Variants in ZMAT4 observed in about 807,000 individuals in gnomAD.
The protein encoded by ZMAT4 is zinc finger matrin-type 4.
Under a neutral mutation model 28.7 loss-of-function variants are expected in ZMAT4, and 17 were observed. That is an observed-to-expected ratio of 0.59 (90% CI 0.41 to 0.89). The LOEUF (loss-of-function observed/expected upper bound fraction) is 0.89, where lower values mean the gene tolerates loss of function less well. Among genes scored for constraint, ZMAT4 ranks in the 40% least tolerant of loss-of-function variants. The pLI is 0.00. For missense variants in ZMAT4, 240 were observed against 283.8 expected (o/e 0.85, Z 1.11); for synonymous variants, 117 against 109.2 (o/e 1.07, Z -0.44).
At chr8:40,773,190 G>A (rs190260517) in intron 2 of ZMAT4, among the ~76,000 whole-genome samples, 1 of 152,274 alleles carries the variant, frequency 6.6e-6, no homozygotes, top group African/African-American at 2.4e-5. Flanking sequence ...CAGAAACTCC[G>A]TGTACCTAGA....
intron 5 of ZMAT4, among the ~76,000 whole-genome samples, chr8:40,668,927 A>G (rs1210431348): frequency 1.3e-5 from 2 of 151,190 alleles, no homozygotes; most frequent in African/African-American, 4.9e-5. Flanking sequence ...CCAGAACACC[A>G]TAAATTCAAC....
chr8:40,589,727 C>CT (rs1563353803), intron 5 of ZMAT4, among the ~76,000 whole-genome samples: 1,485 of 49,526 alleles, frequency 0.03, 32 homozygotes, highest in African/African-American at 0.086. Context: ...TTCCTTCTTC[C>CT]TTTCCTTTCT....
chr8:40,658,813 A>C (rs576694921), intron 5 of ZMAT4, among the ~76,000 whole-genome samples: 3 of 152,138 alleles, frequency 2.0e-5, no homozygotes, highest in African/African-American at 4.8e-5. Context: ...TGCTGACTGG[A>C]TCAGCCCTGA....
At chr8:40,796,452 G>C (rs1814604466) in intron 2 of ZMAT4, among the ~76,000 whole-genome samples, 1 of 152,132 alleles carries the variant, frequency 6.6e-6, no homozygotes, top group African/African-American at 2.4e-5. Flanking sequence ...AAGCACTTGA[G>C]GAAGGAACAG....
intron 1 of ZMAT4, among the ~76,000 whole-genome samples, chr8:40,873,198 C>T (rs138031313): frequency 3.9e-5 from 6 of 152,230 alleles, no homozygotes; most frequent in African/African-American, 1.4e-4. Context: ...AGTCCCAAAT[C>T]AGCATTCCTT....
chr8:40,793,802 A>G (rs1299885903), intron 2 of ZMAT4, among the ~76,000 whole-genome samples: 1 of 152,150 alleles, frequency 6.6e-6, no homozygotes. Context: ...TGTAATTACA[A>G]TCCATCTGAA....
At chr8:40,556,766 T>A (rs1366346404) in intron 6 of ZMAT4, among the ~76,000 whole-genome samples, 2 of 152,206 alleles carry the variant, frequency 1.3e-5, no homozygotes, top group African/African-American at 4.8e-5. Context: ...GTGTAAAATG[T>A]GTAATGATCA....
At chr8:40,541,310 G>A (rs1803020435) in intron 6 of ZMAT4, among the ~76,000 whole-genome samples, 1 of 152,080 alleles carries the variant, frequency 6.6e-6, no homozygotes, top group Non-Finnish European at 1.5e-5. Context: ...GGTTTTACCT[G>A]TTCAAGGGCA....
chr8:40,692,000 T>C (rs1563414563), intron 4 of ZMAT4, among the ~76,000 whole-genome samples: 1 of 152,228 alleles, frequency 6.6e-6, no homozygotes, highest in African/African-American at 2.4e-5. Context: ...TTTTTTACCA[T>C]CATACTTGAC....
intron 6 of ZMAT4, among the ~76,000 whole-genome samples, chr8:40,545,438 A>G (rs940287726): frequency 2.6e-5 from 4 of 152,326 alleles, no homozygotes; most frequent in African/African-American, 9.6e-5. Flanking sequence ...CCCAAAAATT[A>G]TATGTTGAAG....
chr8:40,861,297 C>T (rs1817480321), intron 1 of ZMAT4, among the ~76,000 whole-genome samples: 1 of 152,184 alleles, frequency 6.6e-6, no homozygotes, highest in Admixed American at 6.5e-5. Flanking sequence ...TGATCTTTGA[C>T]AAACCTGACA....
chr8:40,892,132 T>C lies in ZMAT4; in HGVS notation c.-5+5551A>G, dbSNP rs1818714555. Among the ~76,000 whole-genome samples, 9 of 152,192 alleles carry C rather than the reference T, an allele frequency of 5.9e-5. No homozygotes were observed. The South Asian group carries it at 8.3e-4, about 14-fold the overall frequency. ...CCTCACATGGTATGTTTCATCCCGT[T>C]CCGTAAGGTAACAGGTGATGTGTCT... On this transcript the variant is annotated intron_variant, in intron 1 of 6. Coordinates refer to ENST00000297737, the MANE Select transcript of ZMAT4 (RefSeq NM_024645.3).
At chr8:40,643,203 A>T (rs951624854) in intron 5 of ZMAT4, among the ~76,000 whole-genome samples, 2 of 152,116 alleles carry the variant, frequency 1.3e-5, no homozygotes, top group Non-Finnish European at 2.9e-5. Flanking sequence ...AGCAGTCGAG[A>T]AGCTTTCATC....
chr8:40,560,952 T>C (rs1803718325), intron 6 of ZMAT4, among the ~76,000 whole-genome samples: 1 of 152,176 alleles, frequency 6.6e-6, no homozygotes, highest in African/African-American at 2.4e-5. Flanking sequence ...TGCAATCCTA[T>C]TTCTTGTATA....
intron 3 of ZMAT4, among the ~76,000 whole-genome samples, chr8:40,752,397 C>G (rs1271239999): frequency 6.6e-6 from 1 of 152,174 alleles, no homozygotes; most frequent in African/African-American, 2.4e-5. Flanking sequence ...AGAGTTTGCC[C>G]AGTCCCTTCT....
chr8:40,822,263 T>C (rs931580400), intron 2 of ZMAT4, among the ~76,000 whole-genome samples: 1 of 152,228 alleles, frequency 6.6e-6, no homozygotes, highest in African/African-American at 2.4e-5. Context: ...TCATTTCTCA[T>C]ATAGGTTCAG....
chr8:40,535,190 T>C (rs1439180756), intron 6 of ZMAT4, among the ~76,000 whole-genome samples: 1 of 152,142 alleles, frequency 6.6e-6, no homozygotes, highest in Non-Finnish European at 1.5e-5. Context: ...ACACGGGGCA[T>C]GTGGCAGCCT....
intron 2 of ZMAT4, chr8:40,808,588 A>T (rs1349369328): frequency 2.2e-6 from 1 of 455,190 alleles, no homozygotes; most frequent in East Asian, 7.0e-5. Flanking sequence ...AAAAAAAAAA[A>T]GTGCTGAGCT....
At chr8:40,569,742 A>C (rs1804032401) in intron 6 of ZMAT4, among the ~76,000 whole-genome samples, 1 of 152,178 alleles carries the variant, frequency 6.6e-6, no homozygotes, top group Non-Finnish European at 1.5e-5. Flanking sequence ...TTAACGTAAG[A>C]ACAGGAAAAA....
Sources: allele counts gnomAD v4.1 joint callset (sites outside exome capture counted in the v4.1 genomes callset), GRCh38; gene constraint gnomAD v4.1.1; transcripts MANE v1.5; gene names NCBI Gene and HGNC (gene_info 2026-07-23, HGNC 2026-07-21).